Variants in CHD6 observed in about 807,000 individuals in gnomAD.
The protein encoded by CHD6 is ATP-dependent chromatin remodeler CHD6.
A neutral mutation model predicts 276.9 loss-of-function variants in CHD6; 50 were observed. The observed-to-expected ratio is 0.18, with a 90% CI of 0.14 to 0.23. The LOEUF (loss-of-function observed/expected upper bound fraction) is 0.23. Among genes scored for constraint, CHD6 ranks in the 10% least tolerant of loss-of-function variants. The probability of loss-of-function intolerance (pLI) is 1.00; values close to 1 mark genes in which losing one functional copy is unlikely to be tolerated. For missense variants in CHD6, 2,564 were observed against 3,365.8 expected, an observed-to-expected ratio of 0.76 and a Z score of 5.89; for synonymous variants, 1,173 against 1,229.3, an observed-to-expected ratio of 0.95 and a Z score of 0.96.
At position 41,415,422 on chromosome 20, in the gene CHD6, C is replaced by T. The variant is rs1005786430; in HGVS notation, c.6703G>A (p.Val2235Met). 1 of 1,612,742 alleles carries T rather than the reference C, an allele frequency of 6.2e-7. No homozygotes were observed. The highest frequency in any genetic ancestry group is 8.5e-7 in the Non-Finnish European group (1 of 1,179,292). The change falls in exon 34 of 37, where the codon GTG becomes ATG. Residue 2235 changes from valine to methionine, a missense_variant. Physicochemically the swap from Val to Met is conservative, Grantham distance 21 (BLOSUM62 1). This residue lies in a region of CHD6 where 1,024 missense variants were observed against 1,047.9 expected (regional missense o/e 0.98). Coordinates refer to ENST00000373233, the MANE Select transcript of CHD6 (RefSeq NM_032221.5). Reference protein sequence around the residue: ...GSPGATSPFPVSASTPKIGAI... With the variant: ...GSPGATSPFPMSASTPKIGAI... ...CCAATCTTAGGGGTGCTGGCGCTCA[C>T]TGGGAAAGGGGATGTGGCTCCTGGG...
At chr20:41,450,438 A>G (rs1414222061) in intron 23 of CHD6, among the ~76,000 whole-genome samples, 1 of 152,012 alleles carries the variant, frequency 6.6e-6, no homozygotes, top group Non-Finnish European at 1.5e-5. Context: ...AAATATGAAC[A>G]AAGTTTTGTT....
Position 41,421,743 on chromosome 20 carries a change from C to G in CHD6, c.4892G>C (p.Cys1631Ser), listed in dbSNP as rs752164906. The G allele has an allele frequency of 6.2e-7, 1 of 1,614,212 alleles. No homozygotes were observed. The highest frequency in any genetic ancestry group is 2.2e-5 in the East Asian group (1 of 44,888). ...TAACTTGGAGTTGGTCTGGTAAAGG[C>G]AACAGAGATTTCCTGGTGCCTGGGT... ...SGTQAPGNLCCLYQTNSKLYE... is the reference protein window; with the variant it reads ...SGTQAPGNLCSLYQTNSKLYE... The change falls in exon 31 of 37, where the codon TGC (cysteine) becomes TCC (serine). Residue 1631 changes from cysteine to serine, a missense_variant. Physicochemically the swap from Cys to Ser is moderately radical, Grantham distance 112. Around this residue, in one of 7 missense-constraint regions of CHD6, gnomAD observed 1,024 missense variants for 1,047.9 expected, o/e 0.98. Coordinates refer to ENST00000373233, the MANE Select transcript of CHD6 (RefSeq NM_032221.5).
intron 1 of CHD6, among the ~76,000 whole-genome samples, chr20:41,565,316 G>C (rs1168435289): frequency 6.6e-6 from 1 of 152,092 alleles, no homozygotes; most frequent in Non-Finnish European, 1.5e-5. Flanking sequence ...GGCTGCTCTT[G>C]AACTCCTGAC....
chr20:41,522,680 A>G (rs1200302387), intron 3 of CHD6, among the ~76,000 whole-genome samples: 1 of 151,806 alleles, frequency 6.6e-6, no homozygotes, highest in Non-Finnish European at 1.5e-5. Flanking sequence ...ACATAAATAG[A>G]TATTTATTGA....
Position 41,566,568 on chromosome 20 carries a change from T to C in CHD6, c.-23-15208A>G, listed in dbSNP as rs150005754. 3.9e-5 allele frequency among the ~76,000 whole-genome samples: 6 copies of C among 152,302 alleles called. No homozygotes were observed. The East Asian group carries it at 1.2e-3, about 29-fold the overall frequency. On this transcript the variant is annotated intron_variant, in intron 1 of 36. Coordinates refer to ENST00000373233, the MANE Select transcript of CHD6 (RefSeq NM_032221.5). ...ACCTCCATCCTTACTGAGGGGACCA[T>C]GTGCAGTTCCTTCTTATGCCCAAGT...
intron 1 of CHD6, among the ~76,000 whole-genome samples, chr20:41,583,573 C>A (rs2045562814): frequency 6.6e-6 from 1 of 152,070 alleles, no homozygotes; most frequent in Non-Finnish European, 1.5e-5. Flanking sequence ...AAATGAGGAC[C>A]TACATGAAGA....
chr20:41,523,867 G>T (rs557499691), intron 3 of CHD6, among the ~76,000 whole-genome samples: 2 of 152,100 alleles, frequency 1.3e-5, no homozygotes, highest in African/African-American at 4.8e-5. Context: ...CTCTGTCCCC[G>T]TGGACTCCAG....
intron 17 of CHD6, among the ~76,000 whole-genome samples, chr20:41,459,893 C>T (rs768785248): frequency 5.9e-5 from 9 of 152,220 alleles, no homozygotes; most frequent in Non-Finnish European, 1.2e-4. Context: ...GAGGTTGGAA[C>T]AGTTTGGAAG....
intron 3 of CHD6, among the ~76,000 whole-genome samples, chr20:41,519,991 C>G (rs2044348397): frequency 6.6e-6 from 1 of 152,022 alleles, no homozygotes; most frequent in Non-Finnish European, 1.5e-5. Context: ...AAAAACAACC[C>G]CATCAAAAAA....
chr20:41,519,663 C>G (rs1006416642), intron 3 of CHD6, among the ~76,000 whole-genome samples: 22 of 152,022 alleles, frequency 1.4e-4, no homozygotes, highest in Admixed American at 1.0e-3. Context: ...ACACCTTATA[C>G]AAAATTAATC....
At chr20:41,547,340 G>A (rs1333369720) in intron 2 of CHD6, 1 of 190,522 alleles carries the variant, frequency 5.2e-6, no homozygotes, top group East Asian at 1.4e-4. Flanking sequence ...GCTGGCTTTT[G>A]TCTTCCAGCT....
intron 24 of CHD6, 110 bp downstream of exon 24, chr20:41,447,772 G>A: frequency 3.0e-6 from 2 of 668,532 alleles, no homozygotes; most frequent in Non-Finnish European, 5.2e-6. Context: ...CTGGGCAGGG[G>A]GTAGGAGGAA....
At chr20:41,571,676 C>A (rs2045419099) in intron 1 of CHD6, among the ~76,000 whole-genome samples, 1 of 151,564 alleles carries the variant, frequency 6.6e-6, no homozygotes, top group Non-Finnish European at 1.5e-5. Flanking sequence ...TTAAGTTAGA[C>A]AACCTTCATA....
chr20:41,525,759 C>T (rs1056378928), intron 3 of CHD6, among the ~76,000 whole-genome samples: 3 of 152,188 alleles, frequency 2.0e-5, no homozygotes, highest in East Asian at 3.8e-4. Context: ...TGGATCAATA[C>T]TCATCTCTTC....
chr20:41,591,651 C>T (rs1452454805), intron 1 of CHD6, among the ~76,000 whole-genome samples: 2 of 152,074 alleles, frequency 1.3e-5, no homozygotes, highest in Non-Finnish European at 2.9e-5. Flanking sequence ...CAAGATTGCA[C>T]CATTGCACTC....
At chr20:41,461,330 C>G (rs765000141) in intron 17 of CHD6, among the ~76,000 whole-genome samples, 25 of 151,982 alleles carry the variant, frequency 1.6e-4, no homozygotes, top group Non-Finnish European at 3.4e-4. Context: ...TTTGGAGGGG[C>G]CAGGGGCAGA....
chr20:41,613,214 G>A (rs568161208), intron 1 of CHD6, among the ~76,000 whole-genome samples: 256 of 152,172 alleles, frequency 1.7e-3, no homozygotes, highest in Non-Finnish European at 3.0e-3. Flanking sequence ...AAAGTCTGGG[G>A]AATATAAAAA....
chr20:41,534,660 CA>C (rs1331408066), intron 2 of CHD6, among the ~76,000 whole-genome samples: 1 of 151,970 alleles, frequency 6.6e-6, no homozygotes, highest in Non-Finnish European at 1.5e-5. Context: ...GTCATTCTGA[CA>C]GGACTCACTA....
rs563339781 is a variant in CHD6 at position 41,574,473 on chromosome 20, A to G, written c.-23-23113T>C. Among the ~76,000 whole-genome samples, 8 of 152,108 alleles carry G rather than the reference A, an allele frequency of 5.3e-5. No individual in the cohort carries two copies. In the East Asian group the frequency reaches 1.6e-3, roughly 29 times the overall value. On this transcript the variant is annotated intron_variant, in intron 1 of 36. Transcript: ENST00000373233. Reference sequence around the variant, plus strand: ...CTCCTGAACCTTCCATGTTCTGTATACTCCTTAATTTACAAAGTCAAAGCT... The same window carrying G: ...CTCCTGAACCTTCCATGTTCTGTATGCTCCTTAATTTACAAAGTCAAAGCT...
Sources: gnomAD v4.1 joint callset for allele counts (sites outside exome capture counted in the v4.1 genomes callset) on GRCh38, gnomAD v4.1.1 for gene constraint, gnomAD v4.1.1 regional missense constraint, MANE v1.5 for transcripts, NCBI Gene and HGNC (gene_info 2026-07-23, HGNC 2026-07-21) for gene names.